The following GCN1 variants were observed in gnomAD, a reference collection of about 807,000 sequenced individuals.
GCN1 encodes the protein GCN1 activator of EIF2AK4, also known as stalled ribosome sensor GCN1.
In GCN1, 90 loss-of-function variants were observed where a neutral mutation model predicts 288.4. The ratio of observed to expected loss-of-function variants is 0.31; its 90% confidence interval spans 0.26 to 0.37. GCN1 has a LOEUF of 0.37. Ranked by LOEUF, GCN1 falls within the 10% of genes least tolerant of loss-of-function variation. The pLI is 1.00. For synonymous variants in GCN1, 1,386 were observed against 1,420.2 expected (o/e 0.98, Z 0.54); for missense variants, 2,586 against 3,419.9 (o/e 0.76, Z 6.08).
rs561629667 is a variant in GCN1, at chr12:120,150,893, C to T, written c.4309+252G>A. 2.6e-5 allele frequency among the ~76,000 whole-genome samples: 4 copies of T among 151,732 alleles called. No homozygotes were observed. In the East Asian group the frequency reaches 7.7e-4, roughly 29 times the overall value. On this transcript the variant is annotated intron_variant, in intron 34 of 57. Transcript: ENST00000300648. Reference sequence around the variant, plus strand: ...CTGAGCTTGCAGTGAGCCAAGATCACGCCACTGCACTCTAGCCTGGGCGAC... The same window carrying T: ...CTGAGCTTGCAGTGAGCCAAGATCATGCCACTGCACTCTAGCCTGGGCGAC...
intron 15 of GCN1, among the ~76,000 whole-genome samples, chr12:120,168,614 T>G (rs1283088679): frequency 6.6e-6 from 1 of 152,180 alleles, no homozygotes; most frequent in Non-Finnish European, 1.5e-5. Flanking sequence ...CTTCCCTGAC[T>G]GGGGCTGTTT....
rs372797022 is a variant in GCN1, at chr12:120,127,831, G to A, written c.*18C>T. On this transcript the variant is annotated 3_prime_UTR_variant, in exon 58 of 58. Coordinates refer to ENST00000300648, the MANE Select transcript of GCN1 (RefSeq NM_006836.2). ...AGCAAAGATGTGGAGCGGCAATGCT[G>A]CTGCTGGCCCAGGCCTCTCATGTCA... 2.5e-6 allele frequency: 4 copies of A among 1,608,914 alleles called. No homozygotes were observed. The African/African-American group carries it at 4.0e-5, about 16-fold the overall frequency.
intron 38 of GCN1, among the ~76,000 whole-genome samples, chr12:120,146,264 T>G (rs1459607151): frequency 8.5e-6 from 1 of 117,072 alleles, no homozygotes; most frequent in African/African-American, 3.4e-5. Context: ...AGACTCCATC[T>G]CAAAAAAAAA....
At chr12:120,128,371 T>C (rs1176281530) in intron 57 of GCN1, among the ~76,000 whole-genome samples, 1 of 151,934 alleles carries the variant, frequency 6.6e-6, no homozygotes, top group Non-Finnish European at 1.5e-5. Context: ...GTTTCGTTCT[T>C]GTCGCCCATG....
In GCN1 at chr12:120,153,236, C is replaced by T; in HGVS notation, c.4039G>A (p.Ala1347Thr). 1 of 1,614,154 alleles carries T rather than the reference C, an allele frequency of 6.2e-7. No homozygotes were observed. The highest frequency in any genetic ancestry group is 1.3e-5 in the African/African-American group (1 of 75,034). ...VKPIVAKLIAALSTPSQQVQE... is the reference protein window; with the variant it reads ...VKPIVAKLIATLSTPSQQVQE... ...ACCTGCTGGGAGGGGGTGGAGAGGG[C>T]AGCGATGAGCTTGGCAACAATGGGC... Residue 1347 changes from alanine (A) to threonine (T), a missense_variant, in exon 33 of 58, where the codon GCC becomes ACC. Transcript: ENST00000300648. This position sits in a 1 kb window ranked among gnomAD's most constrained non-coding sequence, Gnocchi z 4.4.
chr12:120,192,410 G>C (rs1482287380), intron 1 of GCN1, among the ~76,000 whole-genome samples: 1 of 152,162 alleles, frequency 6.6e-6, no homozygotes, highest in Admixed American at 6.5e-5. Flanking sequence ...CAGAATTCTA[G>C]GTTGAAATCA....
In GCN1 at chr12:120,130,751, G is replaced by T. The variant is rs768928169; in HGVS notation, c.7566C>A (p.Ile2522=). 1 of 1,604,922 alleles carries T rather than the reference G, an allele frequency of 6.2e-7. No individual in the cohort carries two copies. Among genetic ancestry groups the T allele is most frequent in the Admixed American group, 1.7e-5 (1 of 59,996 alleles). ...CCCGGACCCCGCTCACCGCAATGGG[G>T]ATCTGTGGAGAACAGACAGCGCTAG... is the stretch of plus-strand genomic sequence containing the variant. ...MILSSATADR[I]PIAVSGVRGM... is the part of the protein sequence containing the mutation. Residue 2522 remains isoleucine (I), a splice_region_variant and synonymous_variant, in exon 56 of 58, where the codon ATC becomes ATA. Coordinates refer to ENST00000300648, the MANE Select transcript of GCN1 (RefSeq NM_006836.2).
rs1436461164 is a variant in GCN1 at position 120,144,886 on chromosome 12, A to G, written c.5155+37T>C. On this transcript the variant is annotated intron_variant, in intron 40 of 57. Coordinates refer to ENST00000300648, the MANE Select transcript of GCN1 (RefSeq NM_006836.2). The surrounding 1 kb of genome is among the most constrained non-coding windows in gnomAD (Gnocchi z 4.7). ...ACTGGATCTGAGGGCCCCTTAGAGC[A>G]TTCCCAGGCTGGCCACTGGACCTGC... The G allele has an allele frequency of 6.2e-7, 1 of 1,614,092 alleles. No homozygotes were observed. The highest frequency in any genetic ancestry group is 2.2e-5 in the East Asian group (1 of 44,882).
intron 34 of GCN1, among the ~76,000 whole-genome samples, chr12:120,150,328 G>A (rs1242103442): frequency 6.6e-6 from 1 of 152,124 alleles, no homozygotes; most frequent in African/African-American, 2.4e-5. Flanking sequence ...CGGGCGCGGT[G>A]GCTCACACCC....
At chr12:120,148,446 T>G (rs1358720874) in intron 36 of GCN1, 100 bp from the exon 37 acceptor site, 11 of 933,658 alleles carry the variant, frequency 1.2e-5, no homozygotes, top group East Asian at 2.5e-5. Context: ...CCCTGGCCCC[T>G]GCAGACGGTG....
At chr12:120,175,326 CTT>C in intron 11 of GCN1, 114 bp from the exon 12 acceptor site, 1 of 1,000,122 alleles carries the variant, frequency 1.0e-6, no homozygotes, top group Admixed American at 1.9e-5. Flanking sequence ...CAGAAGTAGC[CTT>C]TGTGTTGTGA....
Position 120,153,976 on chromosome 12 carries a change from G to A in GCN1, c.3702-67C>T. On this transcript the variant is annotated intron_variant, in intron 31 of 57. Transcript: ENST00000300648. This position sits in a 1 kb window ranked among gnomAD's most constrained non-coding sequence, Gnocchi z 4.4. The stretch of plus-strand genomic sequence containing the variant: ...GGCCTCCTCTGCCAGTGGAACCTCT[G>A]CTGGTGCACGGCAAGGAGAGGGAGC... 2 of 1,369,420 alleles carry A rather than the reference G, an allele frequency of 1.5e-6. No homozygotes were observed. The highest frequency in any genetic ancestry group is 2.0e-6 in the Non-Finnish European group (2 of 983,216). The allele number at this position is 1,369,420 out of a possible 1,614,324, so 84.8% of individuals were successfully genotyped here. A position where few individuals can be genotyped will look rare whatever the true frequency, so the allele number is the denominator to read the frequency against.
At chr12:120,159,743 C>T (rs142436660) in intron 24 of GCN1, 82 bp downstream of exon 24, 90 of 1,240,146 alleles carry the variant, frequency 7.3e-5, no homozygotes, top group Middle Eastern at 2.4e-4. Flanking sequence ...CCCACCTCCC[C>T]ACAAGCACTC....
intron 2 of GCN1, among the ~76,000 whole-genome samples, chr12:120,186,059 G>C (rs899466133): frequency 2.6e-5 from 4 of 152,108 alleles, no homozygotes; most frequent in African/African-American, 9.6e-5. Flanking sequence ...TATGGCTGGG[G>C]GCAGTGGCTC....
chr12:120,150,346 C>T lies in GCN1; in HGVS notation c.4310-303G>A, dbSNP rs543969057. ...GCGCGGTGGCTCACACCCATAATCC[C>T]AACACTTTGGGAGGCTGAGGCAGGC... is the stretch of plus-strand genomic sequence containing the variant. On this transcript the variant is annotated intron_variant, in intron 34 of 57. Coordinates refer to ENST00000300648, the MANE Select transcript of GCN1 (RefSeq NM_006836.2). 3.3e-5 allele frequency among the ~76,000 whole-genome samples: 5 copies of T among 152,110 alleles called. No individual in the cohort carries two copies. In the South Asian group the frequency reaches 1.0e-3, roughly 32 times the overall value.
chr12:120,179,229 T>C (rs976458536), intron 5 of GCN1, among the ~76,000 whole-genome samples: 14 of 151,896 alleles, frequency 9.2e-5, no homozygotes, highest in African/African-American at 3.4e-4. Flanking sequence ...AAGACAGACA[T>C]GGTCCCTGCT....
rs1174463888 is a variant in GCN1 at position 120,149,594 on chromosome 12, G to A, written c.4546+12C>T. On this transcript the variant is annotated intron_variant, in intron 36 of 57. Transcript: ENST00000300648. ...AGGAAGCTGGGAAGAGAGGCAGAGC[G>A]AGTGGTCTTACCAGCTTTGGTCCGC... is the stretch of plus-strand genomic sequence containing the variant. 1.4e-5 allele frequency: 22 copies of A among 1,565,292 alleles called. 1 individual carries two copies. In the Admixed American group the frequency reaches 2.7e-4, roughly 19 times the overall value.
intron 34 of GCN1, 115 bp from the exon 35 acceptor site, chr12:120,150,158 A>T: frequency 9.8e-7 from 1 of 1,018,130 alleles, no homozygotes; most frequent in Non-Finnish European, 1.4e-6. Flanking sequence ...AAACACTCAG[A>T]AACAGCTGTG....
At chr12:120,182,576 C>T (rs1049906229) in intron 5 of GCN1, among the ~76,000 whole-genome samples, 8 of 152,174 alleles carry the variant, frequency 5.3e-5, no homozygotes, top group African/African-American at 1.9e-4. Flanking sequence ...GTAGTATTTT[C>T]TTTCCCACTT....
Sources: gnomAD v4.1 joint callset for allele counts (sites outside exome capture counted in the v4.1 genomes callset) on GRCh38, gnomAD v4.1.1 for gene constraint, Gnocchi (gnomAD v3.1) non-coding constraint, MANE v1.5 for transcripts, NCBI Gene and HGNC (gene_info 2026-07-23, HGNC 2026-07-21) for gene names.